PHIP: variants seen among roughly 807,000 people sequenced by gnomAD.
PHIP encodes PHIP subunit of CUL4-Ring ligase complex.
A neutral mutation model predicts 236.8 loss-of-function variants in PHIP; 54 were observed. That is an observed-to-expected ratio of 0.23 (90% CI 0.18 to 0.29). The LOEUF is 0.29. Among genes scored for constraint, PHIP ranks in the 10% least tolerant of loss-of-function variants. PHIP has a pLI of 1.00. For synonymous variants in PHIP, 756 were observed against 718.9 expected (o/e 1.05, Z -0.83); for missense variants, 1,370 against 2,190.8 (o/e 0.63, Z 7.48).
chr6:78,983,401 CT>C (rs2127718843), intron 22 of PHIP, among the ~76,000 whole-genome samples: 1 of 152,198 alleles, frequency 6.6e-6, no homozygotes, highest in East Asian at 1.9e-4. Flanking sequence ...AAGAAAAATA[CT>C]GACTTCTGAG....
intron 6 of PHIP, among the ~76,000 whole-genome samples, chr6:79,045,413 A>AT (rs1014434257): frequency 6.6e-6 from 1 of 151,408 alleles, no homozygotes; most frequent in African/African-American, 2.4e-5. Context: ...ATGAACTCCC[A>AT]TTTTTTTATA....
chr6:79,021,938 T>C (rs1017398002), intron 9 of PHIP, among the ~76,000 whole-genome samples: 4 of 152,154 alleles, frequency 2.6e-5, no homozygotes, highest in African/African-American at 9.7e-5. Flanking sequence ...TAACACCATG[T>C]GATTATTATG....
intron 39 of PHIP, among the ~76,000 whole-genome samples, chr6:78,941,971 A>T (rs1440536289): frequency 6.6e-6 from 1 of 152,176 alleles, no homozygotes; most frequent in Non-Finnish European, 1.5e-5. Flanking sequence ...TTGTAGAAAA[A>T]AATGCTATAA....
chr6:79,044,107 AC>A (rs1400685170), intron 6 of PHIP, among the ~76,000 whole-genome samples: 1 of 151,028 alleles, frequency 6.6e-6, no homozygotes. Context: ...CCCACCCCAA[AC>A]CCCCAAAAAA....
At chr6:78,980,886 G>T (rs1340076432) in intron 23 of PHIP, among the ~76,000 whole-genome samples, 1 of 152,114 alleles carries the variant, frequency 6.6e-6, no homozygotes, top group Admixed American at 6.6e-5. Flanking sequence ...TGCTAGGCAA[G>T]GATTTCTCCC....
rs569113583 is a variant in PHIP, at chr6:78,939,645, G to A, written c.*1048C>T. ...TATATACACATACACACACAGACACGTTTCTTTGTAAGTCATTTTAGGCTA... is the reference window on the plus strand; with the variant it reads ...TATATACACATACACACACAGACACATTTCTTTGTAAGTCATTTTAGGCTA... On this transcript the variant is annotated 3_prime_UTR_variant, in exon 40 of 40. Coordinates refer to ENST00000275034, the MANE Select transcript of PHIP (RefSeq NM_017934.7). 1.1e-4 allele frequency: 16 copies of A among 151,872 alleles called. No homozygotes were observed. The highest frequency in any genetic ancestry group is 4.1e-4 in the South Asian group (2 of 4,822). The allele number at this position is 151,872 out of a possible 1,614,324, so 9.4% of individuals were successfully genotyped here. A position where few individuals can be genotyped will look rare whatever the true frequency, so the allele number is the denominator to read the frequency against.
intron 7 of PHIP, among the ~76,000 whole-genome samples, chr6:79,035,421 T>C (rs1012382782): frequency 1.3e-5 from 2 of 152,206 alleles, no homozygotes; most frequent in Non-Finnish European, 2.9e-5. Flanking sequence ...TCTGTTCAGA[T>C]AACTTGAGAA....
At chr6:79,017,659 A>C (rs1429275283) in intron 10 of PHIP, 76 bp from the exon 11 acceptor site, 1 of 1,059,002 alleles carries the variant, frequency 9.4e-7, no homozygotes, top group East Asian at 2.5e-5. Context: ...ATAAAATGTA[A>C]GCAAAATTAC....
intron 19 of PHIP, among the ~76,000 whole-genome samples, chr6:78,992,309 C>G (rs994546942): frequency 6.6e-6 from 1 of 152,074 alleles, no homozygotes; most frequent in African/African-American, 2.4e-5. Flanking sequence ...TCTAATTCCC[C>G]CAAATGGTAA....
intron 31 of PHIP, among the ~76,000 whole-genome samples, chr6:78,959,101 G>C (rs1323825184): frequency 6.6e-6 from 1 of 152,046 alleles, no homozygotes; most frequent in Non-Finnish European, 1.5e-5. Context: ...TAGCATGCTA[G>C]TTTACCAAGA....
intron 31 of PHIP, among the ~76,000 whole-genome samples, chr6:78,960,090 T>C (rs556235624): frequency 6.6e-6 from 1 of 152,240 alleles, no homozygotes; most frequent in South Asian, 2.1e-4. Context: ...AAAGAGTACA[T>C]CACAAGCCCA....
Position 78,950,764 on chromosome 6 carries a change from C to G in PHIP, c.4054-2989G>C, listed in dbSNP as rs1485099451. 1.3e-4 allele frequency among the ~76,000 whole-genome samples: 20 copies of G among 152,158 alleles called. No individual in the cohort carries two copies. In the South Asian group the frequency reaches 4.1e-3, roughly 32 times the overall value. On this transcript the variant is annotated intron_variant, in intron 35 of 39. Coordinates refer to ENST00000275034, the MANE Select transcript of PHIP (RefSeq NM_017934.7). ...TGTGTAAATCTTAACAGAGGCTTGT[C>G]AATTCTGTTGATCTTCTCAAAGAAC...
chr6:78,943,307 T>C (rs1462384744), intron 39 of PHIP, among the ~76,000 whole-genome samples: 1 of 152,134 alleles, frequency 6.6e-6, no homozygotes, highest in Non-Finnish European at 1.5e-5. Context: ...TTCTATACAG[T>C]ACCAGTACTC....
chr6:78,974,365 G>A lies in PHIP; in HGVS notation c.2890-3477C>T, dbSNP rs542611772. On this transcript the variant is annotated intron_variant, in intron 24 of 39. Coordinates refer to ENST00000275034, the MANE Select transcript of PHIP (RefSeq NM_017934.7). ...CACAACATACCAGAATCTCTGGGAC[G>A]CATTCAAAGCAGTGTGTAGAGGGAA... 4.1e-3 allele frequency among the ~76,000 whole-genome samples: 616 copies of A among 151,652 alleles called. 7 individuals carry two copies. The highest frequency in any genetic ancestry group is 0.013 in the African/African-American group (529 of 41,356).
rs1381310383 is a variant in PHIP, at chr6:78,945,498, C to CT, written c.4631-2dup. Reference sequence around the variant, plus strand: ...GAATGTTTCACAGAATTCTCTAGTACTAAAACATACAAACAAAATTTAAAA... The same window carrying CT: ...GAATGTTTCACAGAATTCTCTAGTACTTAAAACATACAAACAAAATTTAAAA... On this transcript the variant is annotated splice_acceptor_variant, in intron 38 of 39. Transcript: ENST00000275034. LOFTEE classifies it high-confidence loss of function. 1 of 1,560,676 alleles carries CT rather than the reference C, an allele frequency of 6.4e-7. No homozygotes were observed. The highest frequency in any genetic ancestry group is 1.4e-5 in the African/African-American group (1 of 73,284).
At chr6:79,017,420 C>T (rs750239983) in intron 11 of PHIP, 34 bp from the exon 12 acceptor site, 5 of 1,587,690 alleles carry the variant, frequency 3.1e-6, no homozygotes, top group Non-Finnish European at 4.3e-6. Flanking sequence ...AAAGTGGGTG[C>T]TGAATATAAA....
At position 78,937,455 on chromosome 6, in the gene PHIP, C is replaced by T. The variant is rs1045131097; in HGVS notation, c.*3238G>A. The T allele has an allele frequency of 6.6e-6, 1 of 151,694 alleles. No individual in the cohort carries two copies. The highest frequency in any genetic ancestry group is 1.5e-5 in the Non-Finnish European group (1 of 67,656). 9.4% of individuals were successfully genotyped at this position (151,694 alleles called of 1,614,324 possible). A position where few individuals can be genotyped will look rare whatever the true frequency, so the allele number is the denominator to read the frequency against. On this transcript the variant is annotated 3_prime_UTR_variant, in exon 40 of 40. Transcript: ENST00000275034. ...GATGAGGGACAGTTCTAGATGTTAA[C>T]ATACATGCTGCATAAAGATATTTTC...
At chr6:78,990,141 T>C (rs774657883) in intron 20 of PHIP, among the ~76,000 whole-genome samples, 17 of 152,194 alleles carry the variant, frequency 1.1e-4, no homozygotes, top group Non-Finnish European at 2.4e-4. Flanking sequence ...TTTTCCTTTG[T>C]TTCAATAATT....
At chr6:79,048,505 A>C (rs1274300186) in intron 6 of PHIP, among the ~76,000 whole-genome samples, 1 of 152,156 alleles carries the variant, frequency 6.6e-6, no homozygotes, top group African/African-American at 2.4e-5. Context: ...TCCCTACAAA[A>C]TGTTTAGACT....
Sources: allele counts gnomAD v4.1 joint callset (sites outside exome capture counted in the v4.1 genomes callset), GRCh38; gene constraint gnomAD v4.1.1; transcripts MANE v1.5; gene names NCBI Gene and HGNC (gene_info 2026-07-23, HGNC 2026-07-21).